YY1AP1: variants seen among roughly 807,000 people sequenced by gnomAD.
The protein encoded by YY1AP1 is YY1 associated protein 1, also known as YY1-associated protein 1.
In YY1AP1, 43 loss-of-function variants were observed where a neutral mutation model predicts 39.9. The ratio of observed to expected loss-of-function variants is 1.08; its 90% confidence interval spans 0.84 to 1.39. The LOEUF is 1.39. Among genes scored for constraint, YY1AP1 ranks in the 40% most tolerant of loss-of-function variants. YY1AP1 has a pLI of 0.00. For synonymous variants in YY1AP1, 292 were observed against 331.3 expected, an observed-to-expected ratio of 0.88 and a Z score of 1.29; for missense variants, 813 against 900.7, an observed-to-expected ratio of 0.90 and a Z score of 1.25.
intron 2 of YY1AP1, among the ~76,000 whole-genome samples, chr1:155,684,556 T>G (rs1308978952): frequency 6.6e-6 from 1 of 151,782 alleles, no homozygotes. Context: ...TAAAACACCT[T>G]TTTACATTTC....
chr1:155,679,208 C>A (rs1156729860), intron 4 of YY1AP1: 1 of 1,516,344 alleles, frequency 6.6e-7, no homozygotes, highest in African/African-American at 1.4e-5. Flanking sequence ...CCTTCCCAAA[C>A]AGATACAGCT....
chr1:155,664,142 T>C (rs1444356025), intron 9 of YY1AP1, among the ~76,000 whole-genome samples: 1 of 148,772 alleles, frequency 6.7e-6, no homozygotes, highest in East Asian at 2.0e-4. Context: ...AAAAAAAAAG[T>C]TAAATGGCAT....
Position 155,668,702 on chromosome 1 carries a change from G to C in YY1AP1, c.804C>G (p.Thr268=). The C allele has an allele frequency of 6.2e-7, 1 of 1,614,168 alleles. No homozygotes were observed. The change falls in exon 9 of 11, where the codon ACC becomes ACG. Residue 268 remains threonine (T), a synonymous_variant. Coordinates refer to ENST00000355499, the MANE Select transcript of YY1AP1 (RefSeq NM_139119.3). The part of the protein sequence containing the change: ...LNPLISKYLL[T]CKTARQLTVR... ...CTGTCAGTTGGCGGGCAGTCTTGCA[G>C]GTTAGAAGGTACTTGCTGATTAGAG...
Position 155,675,660 on chromosome 1 carries a change from GTT to G in YY1AP1, c.325-566_325-565del, listed in dbSNP as rs1650546324. On this transcript the variant is annotated intron_variant, in intron 5 of 10. Transcript: ENST00000355499. The stretch of plus-strand genomic sequence containing the variant: ...TTTTGTAGAGACAGAGTCTCACTAT[GTT>G]GTCCAGGCTGCTTTTGAACTCCCCT... Among the ~76,000 whole-genome samples, 4 of 150,932 alleles carry G rather than the reference GTT, an allele frequency of 2.7e-5. No individual in the cohort carries two copies. The South Asian group carries it at 8.4e-4, about 32-fold the overall frequency.
rs1288760875 is a variant in YY1AP1 at position 155,661,370 on chromosome 1, G to T, written c.933C>A (p.Ile311=). The change falls in exon 10 of 11, where the codon ATC becomes ATA. Residue 311 remains isoleucine, a synonymous_variant. Coordinates refer to ENST00000355499, the MANE Select transcript of YY1AP1 (RefSeq NM_139119.3). ...LPVLGKCCEE[I]QPHQWKPPIE... ...TAGGTGGCTTCCACTGATGTGGCTG[G>T]ATCTCTTCACAGCATTTTCCTAGGA... The T allele has an allele frequency of 1.9e-6, 3 of 1,613,802 alleles. No homozygotes were observed. Among genetic ancestry groups the T allele is most frequent in the Non-Finnish European group, 2.5e-6 (3 of 1,179,810 alleles).
At chr1:155,679,306 G>C in intron 4 of YY1AP1, 103 bp downstream of exon 4, 1 of 1,565,164 alleles carries the variant, frequency 6.4e-7, no homozygotes, top group Non-Finnish European at 8.7e-7. Flanking sequence ...ATCAGTAACA[G>C]AAGCTGGCTG....
At chr1:155,672,221 T>A (rs987031583) in intron 7 of YY1AP1, 4 of 365,544 alleles carry the variant, frequency 1.1e-5, no homozygotes, top group Middle Eastern at 8.8e-4. Flanking sequence ...ACCACCTGAC[T>A]TTCATCTTTA....
intron 7 of YY1AP1, 112 bp from the exon 8 acceptor site, chr1:155,670,576 C>G: frequency 8.8e-7 from 1 of 1,138,328 alleles, no homozygotes; most frequent in South Asian, 1.5e-5. Flanking sequence ...TAACTTGATT[C>G]CCTCCCATCT....
Position 155,661,642 on chromosome 1 carries a change from A to C in YY1AP1, c.880-219T>G, listed in dbSNP as rs552075696. 2.0e-5 allele frequency among the ~76,000 whole-genome samples: 3 copies of C among 152,224 alleles called. No homozygotes were observed. The South Asian group carries it at 6.2e-4, about 32-fold the overall frequency. Reference sequence around the variant, plus strand: ...TTCAAATTAAACTAATCTCTATTTAAAGATTTTATAGTTATTCAGTATTTT... The same window carrying C: ...TTCAAATTAAACTAATCTCTATTTACAGATTTTATAGTTATTCAGTATTTT... On this transcript the variant is annotated intron_variant, in intron 9 of 10. Coordinates refer to ENST00000355499, the MANE Select transcript of YY1AP1 (RefSeq NM_139119.3).
At chr1:155,677,312 T>C (rs917455712) in intron 4 of YY1AP1, among the ~76,000 whole-genome samples, 4 of 152,212 alleles carry the variant, frequency 2.6e-5, no homozygotes, top group Non-Finnish European at 5.9e-5. Flanking sequence ...TATCTTCTTT[T>C]AGCCCTTTAA....
intron 6 of YY1AP1, among the ~76,000 whole-genome samples, chr1:155,673,763 G>C (rs1650198634): frequency 6.6e-6 from 1 of 151,692 alleles, no homozygotes; most frequent in Non-Finnish European, 1.5e-5. Context: ...ATGTTGCCCA[G>C]GCTGGTCTCA....
At chr1:155,676,883 A>G in intron 4 of YY1AP1, 137 bp from the exon 5 acceptor site, 3 of 842,984 alleles carry the variant, frequency 3.6e-6, no homozygotes, top group Non-Finnish European at 3.7e-6. Context: ...GCCAACAGTC[A>G]AACTCCCAGC....
intron 5 of YY1AP1, among the ~76,000 whole-genome samples, chr1:155,675,945 C>T (rs1469473854): frequency 6.6e-6 from 1 of 152,184 alleles, no homozygotes; most frequent in African/African-American, 2.4e-5. Context: ...AGGAAAAGGC[C>T]GGGCGCAGTG....
At chr1:155,688,033 G>A in intron 2 of YY1AP1, 38 bp downstream of exon 2, 1 of 1,542,912 alleles carries the variant, frequency 6.5e-7, no homozygotes, top group Non-Finnish European at 8.8e-7. Context: ...CTGAGAGAGT[G>A]CTTAGGCCCG....
In YY1AP1 at chr1:155,672,671, AC is replaced by A. The variant is rs777618377; in HGVS notation, c.471del (p.Lys157AsnfsTer11). The A allele has an allele frequency of 6.2e-7, 1 of 1,614,184 alleles. No individual in the cohort carries two copies. The highest frequency in any genetic ancestry group is 1.3e-5 in the African/African-American group (1 of 75,040). On this transcript the variant is annotated frameshift_variant, in exon 7 of 11. Coordinates refer to ENST00000355499, the MANE Select transcript of YY1AP1 (RefSeq NM_139119.3). LOFTEE classifies it high-confidence loss of function. ...TTACAGGGTTGGAACAGGGTCTGAAACTTGGGGTTGTACTGATGGTGAAGGG... is the reference window on the plus strand; with the variant it reads ...TTACAGGGTTGGAACAGGGTCTGAAATTGGGGTTGTACTGATGGTGAAGGG... ...SIALHHQYNP[K>X]FQTLFQPCNL...
Position 155,683,870 on chromosome 1 carries a change from C to T in YY1AP1, c.-20-3414G>A, listed in dbSNP as rs572643104. The stretch of plus-strand genomic sequence containing the variant: ...AGGTAAAAAGAGCTGGGCATGCTGG[C>T]TCACATCTGTAATCCCAGCAAACTG... On this transcript the variant is annotated intron_variant, in intron 2 of 10. Transcript: ENST00000355499. 7.3e-4 allele frequency among the ~76,000 whole-genome samples: 111 copies of T among 152,240 alleles called. 3 individuals are homozygous for T. In the South Asian group the frequency reaches 0.022, roughly 30 times the overall value.
At chr1:155,670,924 G>T in intron 7 of YY1AP1, 1 of 171,014 alleles carries the variant, frequency 5.8e-6, no homozygotes, top group Non-Finnish European at 1.3e-5. Flanking sequence ...GACAGCCTCG[G>T]CCTCCTAAAG....
rs141316364 is a variant in YY1AP1 at position 155,686,770 on chromosome 1, G to A, written c.-21+1301C>T. 2.8e-4 allele frequency among the ~76,000 whole-genome samples: 42 copies of A among 152,262 alleles called. No individual in the cohort carries two copies. The East Asian group carries it at 7.3e-3, about 27-fold the overall frequency. On this transcript the variant is annotated intron_variant, in intron 2 of 10. Coordinates refer to ENST00000355499, the MANE Select transcript of YY1AP1 (RefSeq NM_139119.3). ...ATAAATCCAAAATAATATAGCCATG[G>A]ATATGCATTTCATACAGGTCAGACT...
chr1:155,677,069 A>T (rs1650801628), intron 4 of YY1AP1, among the ~76,000 whole-genome samples: 1 of 152,074 alleles, frequency 6.6e-6, no homozygotes, highest in East Asian at 1.9e-4. Flanking sequence ...GCTGGTGGGA[A>T]CTCATCATTC....
Sources: allele counts gnomAD v4.1 joint callset (sites outside exome capture counted in the v4.1 genomes callset), GRCh38; gene constraint gnomAD v4.1.1; transcripts MANE v1.5; gene names NCBI Gene and HGNC (gene_info 2026-07-23, HGNC 2026-07-21).